ATAD3B: variants seen among roughly 807,000 people sequenced by gnomAD.
ATAD3B encodes ATPase family AAA domain-containing protein 3B.
A neutral mutation model predicts 70.2 loss-of-function variants in ATAD3B; 59 were observed. The ratio of observed to expected loss-of-function variants is 0.84; its 90% CI spans 0.68 to 1.04. The LOEUF (loss-of-function observed/expected upper bound fraction) is 1.04. ATAD3B is among the 50% of genes least tolerant of loss of function. The probability of loss-of-function intolerance (pLI) is 0.00; values close to 1 mark genes in which losing one functional copy is unlikely to be tolerated. For missense variants in ATAD3B, 961 were observed against 913.4 expected (o/e 1.05, Z -0.67); for synonymous variants, 423 against 388.6 (o/e 1.09, Z -1.04).
chr1:1,489,641 C>T (rs1640423590), intron 13 of ATAD3B: 11 of 1,340,482 alleles, frequency 8.2e-6, no homozygotes, highest in East Asian at 8.7e-5. Flanking sequence ...CTCCCTCTTC[C>T]CTCCCAAATC....
chr1:1,495,270 G>C (rs968123685), intron 15 of ATAD3B, among the ~76,000 whole-genome samples: 1 of 152,112 alleles, frequency 6.6e-6, no homozygotes, highest in Non-Finnish European at 1.5e-5. Context: ...AGCAACAGCA[G>C]TGCTGAGGAC....
chr1:1,503,906 ATCT>A, the ATAD3B span, among the ~76,000 whole-genome samples: 3 of 151,834 alleles, frequency 2.0e-5, no homozygotes, highest in African/African-American at 7.3e-5. Flanking sequence ...GAGGATGGGG[ATCT>A]TCTTGACATT....
downstream of ATAD3B, among the ~76,000 whole-genome samples, chr1:1,502,820 T>A (rs1283613779): frequency 6.6e-6 from 1 of 150,998 alleles, no homozygotes; most frequent in East Asian, 2.0e-4. Context: ...CCTACACTGA[T>A]AACTTATAGC....
At chr1:1,481,947 C>T (rs1419352847) in intron 5 of ATAD3B, among the ~76,000 whole-genome samples, 191 bp from the exon 6 acceptor site, 4 of 139,030 alleles carry the variant, frequency 2.9e-5, no homozygotes, top group South Asian at 2.2e-4. Context: ...TGGCGTGGGC[C>T]GGTCCGTGGT....
In ATAD3B at chr1:1,486,105, G is replaced by C. The variant is rs1033237712; in HGVS notation, c.964-5G>C. The stretch of plus-strand genomic sequence containing the variant: ...TCTCCCCCAAACCCCCGTCTTCCCC[G>C]GCAGCCCAGCCTGGAAGCACGGGTG... On this transcript the variant is annotated splice_region_variant and splice_polypyrimidine_tract_variant and intron_variant, in intron 9 of 15. Transcript: ENST00000673477. 2 of 1,613,006 alleles carry C rather than the reference G, an allele frequency of 1.2e-6. No individual in the cohort carries two copies. The highest frequency in any genetic ancestry group is 1.7e-6 in the Non-Finnish European group (2 of 1,179,634).
In ATAD3B at chr1:1,472,053, C is replaced by T. The variant is rs1296207992; in HGVS notation, c.169C>T (p.Arg57Cys). The T allele has an allele frequency of 8.2e-6, 10 of 1,220,448 alleles. No individual in the cohort carries two copies. Among genetic ancestry groups the T allele is most frequent in the Non-Finnish European group, 1.0e-5 (10 of 980,302 alleles). The allele number at this position is 1,220,448 out of a possible 1,614,324, so 75.6% of individuals were successfully genotyped here. The part of the protein sequence containing the change: ...WSNFDPTGLE[R>C]AAKAARELEH... ...CAACTTCGACCCCACCGGCCTGGAG[C>T]GCGCCGCCAAGGCGGCGCGCGAGCT... The change falls in exon 1 of 16, where the codon CGC (arginine) becomes TGC (cysteine). Residue 57 changes from arginine to cysteine, a missense_variant. Arg to Cys is a radical substitution (Grantham distance 180). Transcript: ENST00000673477.
chr1:1,485,931 C>G, intron 9 of ATAD3B, 93 bp downstream of exon 9: 1 of 1,604,564 alleles, frequency 6.2e-7, no homozygotes, highest in Admixed American at 1.7e-5. Context: ...TGGTGGCGCC[C>G]AGGAGCTTTT....
chr1:1,490,652 A>T lies in ATAD3B; in HGVS notation c.1595A>T (p.Gln532Leu). ...TEGMSGREIAQLAVSWQATAY... is the reference protein window; with the variant it reads ...TEGMSGREIALLAVSWQATAY... ...GGCATGTCGGGCCGGGAGATCGCTC[A>T]GCTGGCCGTGTCCTGGCAGGTGAGT... is the stretch of plus-strand genomic sequence containing the variant. The change falls in exon 15 of 16, where the codon CAG becomes CTG. Residue 532 changes from glutamine to leucine, a missense_variant. This residue lies in a region of ATAD3B where 417 missense variants were observed against 335.0 expected (regional missense o/e 1.24). Transcript: ENST00000673477. The T allele has an allele frequency of 1.3e-6, 2 of 1,597,422 alleles. No homozygotes were observed. Among genetic ancestry groups the T allele is most frequent in the African/African-American group, 1.3e-5 (1 of 74,950 alleles).
chr1:1,474,868 G>A lies in ATAD3B; in HGVS notation c.206-2406G>A, dbSNP rs916688561. On this transcript the variant is annotated intron_variant, in intron 1 of 15. Transcript: ENST00000673477. ...GGCTGGACTTCAGGGCACCTCGGAG[G>A]ACAGCGGATGTTGGTGACTGACTTT... Among the ~76,000 whole-genome samples the A allele has an allele frequency of 6.6e-5, 10 of 151,364 alleles. 1 individual carries two copies. In the East Asian group the frequency reaches 7.7e-4, roughly 12 times the overall value.
At chr1:1,490,068 T>G in intron 13 of ATAD3B, 189 bp from the exon 14 acceptor site, 1 of 1,417,758 alleles carries the variant, frequency 7.1e-7, no homozygotes, top group South Asian at 1.5e-5. Context: ...GGGGGGCAGC[T>G]GGGCGTGGTG....
At chr1:1,506,892 A>C in the ATAD3B span, among the ~76,000 whole-genome samples, 1 of 147,486 alleles carries the variant, frequency 6.8e-6, no homozygotes, top group South Asian at 2.1e-4. Flanking sequence ...GGTTCACGCC[A>C]TTCTCCTGCC....
At position 1,479,291 on chromosome 1, in the gene ATAD3B, T is replaced by C. The variant is rs537721104; in HGVS notation, c.444+183T>C. 7.8e-4 allele frequency among the ~76,000 whole-genome samples: 115 copies of C among 147,660 alleles called. 6 individuals carry two copies. The highest frequency in any genetic ancestry group is 3.7e-3 in the South Asian group (17 of 4,590). On this transcript the variant is annotated intron_variant, in intron 4 of 15. Coordinates refer to ENST00000673477, the MANE Select transcript of ATAD3B (RefSeq NM_031921.6). ...ACACGTGTACAGGCACACATGCAGA[T>C]GTGTGCACACATGTACACGGAGACA...
At chr1:1,494,749 C>T (rs1640698883) in intron 15 of ATAD3B, among the ~76,000 whole-genome samples, 1 of 149,034 alleles carries the variant, frequency 6.7e-6, no homozygotes, top group Non-Finnish European at 1.5e-5. Context: ...ACCCACTCAG[C>T]TGTCCAGGAA....
intron 12 of ATAD3B, among the ~76,000 whole-genome samples, chr1:1,488,425 C>T (rs987901467): frequency 6.6e-6 from 1 of 151,936 alleles, no homozygotes; most frequent in African/African-American, 2.4e-5. Context: ...ATGGAGTTTC[C>T]CACATTGTCC....
At chr1:1,500,431 A>G (rs1383464772), downstream of ATAD3B, among the ~76,000 whole-genome samples, 1 of 148,470 alleles carries the variant, frequency 6.7e-6, no homozygotes, top group Non-Finnish European at 1.5e-5. Context: ...GGGCACCTGT[A>G]GTCCCAGCTA....
chr1:1,485,337 G>A (rs1475051120), intron 8 of ATAD3B, among the ~76,000 whole-genome samples, 166 bp downstream of exon 8: 1 of 152,086 alleles, frequency 6.6e-6, no homozygotes, highest in Non-Finnish European at 1.5e-5. Flanking sequence ...TGTACCTTAG[G>A]GGTCTGCATC....
At chr1:1,474,002 G>T (rs1639463652) in intron 1 of ATAD3B, among the ~76,000 whole-genome samples, 1 of 151,830 alleles carries the variant, frequency 6.6e-6, no homozygotes, top group South Asian at 2.1e-4. Context: ...TCAGGTTTGG[G>T]CCCAGGCCCA....
In ATAD3B at chr1:1,486,252, G is replaced by T; in HGVS notation, c.1089+17G>T. The stretch of plus-strand genomic sequence containing the variant: ...TTTGCCAAGGTGAGAGCGCCTGGCT[G>T]AACAGGTGGGCCAGGGGCCGCTGGG... On this transcript the variant is annotated intron_variant, in intron 10 of 15. Transcript: ENST00000673477. 6.2e-7 allele frequency: 1 copy of T among 1,612,580 alleles called. No homozygotes were observed. Among genetic ancestry groups the T allele is most frequent in the Non-Finnish European group, 8.5e-7 (1 of 1,179,596 alleles).
At chr1:1,480,742 G>T (rs1639867510) in intron 4 of ATAD3B, 125 bp from the exon 5 acceptor site, 1 of 1,513,178 alleles carries the variant, frequency 6.6e-7, no homozygotes, top group African/African-American at 1.4e-5. Context: ...TGCGGCGTCT[G>T]CAGGTCCCCA....
Sources: allele counts gnomAD v4.1 joint callset (sites outside exome capture counted in the v4.1 genomes callset), GRCh38; gene constraint gnomAD v4.1.1; regional missense constraint gnomAD v4.1.1; transcripts MANE v1.5; gene names NCBI Gene and HGNC (gene_info 2026-07-23, HGNC 2026-07-21).